AOPEP: variants seen among roughly 807,000 people sequenced by gnomAD.
AOPEP encodes aminopeptidase O (putative), also known as aminopeptidase O.
In AOPEP, 77 loss-of-function variants were observed where a neutral mutation model predicts 98.1. That is an observed-to-expected ratio of 0.78 (90% CI 0.65 to 0.95). The LOEUF (loss-of-function observed/expected upper bound fraction) is 0.95, where lower values mean the gene tolerates loss of function less well. AOPEP is among the 40% of genes least tolerant of loss of function. The pLI is 0.00. For missense variants in AOPEP, 1,024 were observed against 1,024.7 expected (o/e 1.00, Z 0.01); for synonymous variants, 346 against 365.3 (o/e 0.95, Z 0.60).
At chr9:95,122,479 A>G in the AOPEP span, among the ~76,000 whole-genome samples, 2 of 152,160 alleles carry the variant, frequency 1.3e-5, no homozygotes, top group Admixed American at 1.3e-4. Flanking sequence ...TGGCAAAGCA[A>G]AGAGACTTTC....
At position 94,760,102 on chromosome 9, in the gene AOPEP, A is replaced by G. The variant is rs1588083798; in HGVS notation, c.319A>G (p.Lys107Glu). ...TTTTGCAATCTGTAGTAAAGGTGAA[A>G]AAGATACTTCTGATAAAGATGGTAA... ...NDFAICSKGE[K>E]DTSDKDGNHD... The change falls in exon 2 of 17, where the codon AAA (lysine) becomes GAA (glutamate). Residue 107 changes from lysine (K) to glutamate (E), a missense_variant. By Grantham distance (56) the Lys-to-Glu change is moderately conservative. Coordinates refer to ENST00000375315, the MANE Select transcript of AOPEP (RefSeq NM_001193329.3). 1 of 1,614,202 alleles carries G rather than the reference A, an allele frequency of 6.2e-7. No individual in the cohort carries two copies. Among genetic ancestry groups the G allele is most frequent in the East Asian group, 2.2e-5 (1 of 44,894 alleles).
At chr9:95,113,342 A>T in the AOPEP span, among the ~76,000 whole-genome samples, 1 of 152,236 alleles carries the variant, frequency 6.6e-6, no homozygotes, top group East Asian at 1.9e-4. Context: ...CAAAAGGAAC[A>T]AATAAGATAG....
At chr9:94,987,278 T>A (rs773859414) in intron 11 of AOPEP, among the ~76,000 whole-genome samples, 64 of 152,250 alleles carry the variant, frequency 4.2e-4, no homozygotes, top group Admixed American at 2.0e-4. Context: ...TTTTGATTTG[T>A]GGAAGCAGAG....
In AOPEP at chr9:94,930,806, G is replaced by A. The variant is rs2055166519; in HGVS notation, c.1661+2275G>A. Among the ~76,000 whole-genome samples, 1 of 152,062 alleles carries A rather than the reference G, an allele frequency of 6.6e-6. No homozygotes were observed. Among genetic ancestry groups the A allele is most frequent in the African/African-American group, 2.4e-5 (1 of 41,394 alleles). The stretch of plus-strand genomic sequence containing the variant: ...AGCATGGATGGGAAGTCAGGAAGCG[G>A]GGCTGGTAACTGTAGGCTCTGTGAG... On this transcript the variant is annotated intron_variant, in intron 7 of 16. Transcript: ENST00000375315. The surrounding 1 kb of genome is among the most constrained non-coding windows in gnomAD (Gnocchi z 4.5).
chr9:95,061,367 T>C (rs1263060949), intron 14 of AOPEP, among the ~76,000 whole-genome samples: 2 of 152,158 alleles, frequency 1.3e-5, no homozygotes, highest in East Asian at 3.8e-4. Flanking sequence ...TACAAAATAG[T>C]AAATAATGTA....
At chr9:94,904,678 A>G (rs1011198950) in intron 5 of AOPEP, 1 of 152,234 alleles carries the variant, frequency 6.6e-6, no homozygotes, top group African/African-American at 2.4e-5. Flanking sequence ...CAAGTTTCTT[A>G]TCCATCTGAA....
At chr9:94,852,256 A>G (rs1452115011) in intron 5 of AOPEP, among the ~76,000 whole-genome samples, 15 of 152,214 alleles carry the variant, frequency 9.9e-5, no homozygotes, top group Non-Finnish European at 1.6e-4. Context: ...GGTAGCTTCT[A>G]GGCAGCAGTA....
chr9:94,797,670 G>A (rs1410596993), intron 4 of AOPEP, among the ~76,000 whole-genome samples: 1 of 150,782 alleles, frequency 6.6e-6, no homozygotes, highest in Non-Finnish European at 1.5e-5. Flanking sequence ...AGAACATTCA[G>A]TCTCCACAGT....
the AOPEP span, among the ~76,000 whole-genome samples, chr9:95,103,834 T>C: frequency 2.0e-5 from 3 of 152,318 alleles, no homozygotes; most frequent in African/African-American, 7.2e-5. Flanking sequence ...GCAGGACCAG[T>C]GCGTCCTTTA....
chr9:94,982,274 C>T (rs2060231263), intron 11 of AOPEP, among the ~76,000 whole-genome samples: 1 of 152,056 alleles, frequency 6.6e-6, no homozygotes, highest in Non-Finnish European at 1.5e-5. Context: ...TTTACGTTTT[C>T]CTTTCTCTCC....
intron 11 of AOPEP, among the ~76,000 whole-genome samples, chr9:94,997,267 G>GT (rs1440363184): frequency 6.6e-6 from 1 of 152,072 alleles, no homozygotes; most frequent in Non-Finnish European, 1.5e-5. Context: ...TTATCCCTTG[G>GT]TGTAAGCTGC....
intron 9 of AOPEP, among the ~76,000 whole-genome samples, chr9:94,957,199 T>G (rs2068246879): frequency 6.6e-6 from 1 of 152,138 alleles, no homozygotes; most frequent in Admixed American, 6.6e-5. Context: ...CGTTTGCTTC[T>G]CTCTTTTTTG....
At chr9:94,845,570 G>C (rs868442345) in intron 5 of AOPEP, among the ~76,000 whole-genome samples, 1 of 152,202 alleles carries the variant, frequency 6.6e-6, no homozygotes, top group Admixed American at 6.5e-5. Flanking sequence ...AAAGCTAATA[G>C]AGAAATCTAC....
chr9:95,110,084 G>T, the AOPEP span: 1 of 203,538 alleles, frequency 4.9e-6, no homozygotes, highest in Non-Finnish European at 8.7e-6. Context: ...GCCTGCCACT[G>T]CCCCACTCAC....
At chr9:95,040,015 G>A (rs1348950910) in intron 13 of AOPEP, among the ~76,000 whole-genome samples, 2 of 152,194 alleles carry the variant, frequency 1.3e-5, no homozygotes, top group African/African-American at 2.4e-5. Flanking sequence ...TAGCATTGGG[G>A]CATTGAGGAG....
intron 5 of AOPEP, among the ~76,000 whole-genome samples, chr9:94,838,176 A>AT (rs1483984441): frequency 1.3e-5 from 2 of 151,820 alleles, no homozygotes; most frequent in African/African-American, 2.4e-5. Flanking sequence ...TGCCTGGCTC[A>AT]TTTTTTGTAT....
chr9:94,955,578 A>C (rs1477197912), intron 8 of AOPEP, among the ~76,000 whole-genome samples: 1 of 152,204 alleles, frequency 6.6e-6, no homozygotes, highest in Non-Finnish European at 1.5e-5. Context: ...ATGGGTGAGA[A>C]GGAAGTGTTT....
At chr9:94,927,275 G>A (rs1236687176) in intron 6 of AOPEP, among the ~76,000 whole-genome samples, 1 of 152,158 alleles carries the variant, frequency 6.6e-6, no homozygotes, top group Admixed American at 6.5e-5. Context: ...TGACCTCCTT[G>A]AAAGCCTTAT....
At chr9:94,827,792 G>C (rs1854978004) in intron 5 of AOPEP, among the ~76,000 whole-genome samples, 1 of 152,134 alleles carries the variant, frequency 6.6e-6, no homozygotes, top group Non-Finnish European at 1.5e-5. Context: ...CAAGATCAAA[G>C]GCCTACTTTG....
Sources: gnomAD v4.1 joint callset for allele counts (sites outside exome capture counted in the v4.1 genomes callset) on GRCh38, gnomAD v4.1.1 for gene constraint, Gnocchi (gnomAD v3.1) non-coding constraint, MANE v1.5 for transcripts, NCBI Gene and HGNC (gene_info 2026-07-23, HGNC 2026-07-21) for gene names.